AAMDC: variants seen among roughly 807,000 people sequenced by gnomAD.
AAMDC encodes adipogenesis associated Mth938 domain containing, also known as mth938 domain-containing protein.
AAMDC carries 16 observed loss-of-function variants against 15.5 expected under a neutral mutation model. The ratio of observed to expected loss-of-function variants is 1.03; its 90% confidence interval spans 0.70 to 1.57. The LOEUF (loss-of-function observed/expected upper bound fraction) is 1.57. Among genes scored for constraint, AAMDC ranks in the 40% most tolerant of loss-of-function variants. The pLI is 0.00. For missense variants in AAMDC, 141 were observed against 144.9 expected (o/e 0.97, Z 0.14); for synonymous variants, 51 against 51.6 (o/e 0.99, Z 0.05).
At chr11:77,887,717 A>C (rs187348452) in intron 5 of AAMDC, among the ~76,000 whole-genome samples, 21,387 of 152,148 alleles carry the variant, frequency 0.14, 1,675 homozygotes, top group Admixed American at 0.2. Flanking sequence ...AAGCAACTTC[A>C]GCAAAGTCTC....
chr11:77,837,339 G>A (rs921946895), intron 1 of AAMDC, among the ~76,000 whole-genome samples: 1 of 152,114 alleles, frequency 6.6e-6, no homozygotes, highest in Non-Finnish European at 1.5e-5. Flanking sequence ...GTTTCACCAC[G>A]TTGGCCAGGC....
intron 5 of AAMDC, among the ~76,000 whole-genome samples, chr11:77,888,969 T>C (rs368521530): frequency 3.9e-5 from 6 of 152,224 alleles, no homozygotes; most frequent in East Asian, 1.9e-4. Flanking sequence ...ACTTTTACAC[T>C]GTTGGTGGGA....
intron 2 of AAMDC, chr11:77,866,732 AAAAAAAAATATT>A (rs1374072831): frequency 6.6e-6 from 1 of 151,868 alleles, no homozygotes; most frequent in Non-Finnish European, 1.5e-5. Flanking sequence ...TCCATCTCGA[AAAAAAAAATATT>A]AAAAAAAATA....
intron 3 of AAMDC, among the ~76,000 whole-genome samples, chr11:77,871,685 T>C (rs1024905495): frequency 6.6e-6 from 1 of 152,232 alleles, no homozygotes; most frequent in Admixed American, 6.5e-5. Context: ...TAGCCTAACA[T>C]TTCTTAGCTA....
At chr11:77,831,753 TG>T (rs1183092681) in intron 1 of AAMDC, 3 of 150,380 alleles carry the variant, frequency 2.0e-5, no homozygotes, top group African/African-American at 7.4e-5. Context: ...TGGAGTGCAG[TG>T]GTACGATCTT....
rs185774935 is a variant in AAMDC, at chr11:77,858,913, G to A, written c.133-10809G>A. 1.8e-3 allele frequency among the ~76,000 whole-genome samples: 281 copies of A among 152,336 alleles called. 4 individuals carry two copies. Among genetic ancestry groups the A allele is most frequent in the Admixed American group, 0.013 (204 of 15,298 alleles). On this transcript the variant is annotated intron_variant, in intron 2 of 3. Coordinates refer to ENST00000393427, the MANE Select transcript of AAMDC (RefSeq NM_024684.4). ...ACTTAACAAGGAGGTTAGAGATACA[G>A]GGATTGAAATGCATGGCCTGCAGTG...
intron 3 of AAMDC, among the ~76,000 whole-genome samples, chr11:77,870,578 C>A (rs1384651618): frequency 6.6e-6 from 1 of 151,974 alleles, no homozygotes; most frequent in East Asian, 1.9e-4. Flanking sequence ...ACCTCGTGAT[C>A]CACCTGCCTC....
chr11:77,865,797 G>A (rs1951083418), intron 2 of AAMDC, among the ~76,000 whole-genome samples: 7 of 152,178 alleles, frequency 4.6e-5, no homozygotes, highest in Admixed American at 3.3e-4. Flanking sequence ...CCACTTGTAT[G>A]AAATGTTTCC....
intron 2 of AAMDC, among the ~76,000 whole-genome samples, chr11:77,846,523 G>A (rs768236591): frequency 2.0e-5 from 3 of 152,082 alleles, no homozygotes; most frequent in South Asian, 2.1e-4. Flanking sequence ...CCTGACCAAC[G>A]TGGAGAAACC....
intron 5 of AAMDC, among the ~76,000 whole-genome samples, chr11:77,892,056 G>A (rs1357059334): frequency 1.3e-5 from 2 of 152,118 alleles, no homozygotes; most frequent in African/African-American, 2.4e-5. Flanking sequence ...TATGTGCCAG[G>A]CATACTCTTA....
At chr11:77,846,050 G>A (rs1415530933) in intron 2 of AAMDC, among the ~76,000 whole-genome samples, 1 of 151,620 alleles carries the variant, frequency 6.6e-6, no homozygotes, top group African/African-American at 2.4e-5. Context: ...ATATAATGTG[G>A]CAACACCGGA....
chr11:77,878,517 A>AT (rs1393816270), intron 5 of AAMDC, among the ~76,000 whole-genome samples: 1 of 152,168 alleles, frequency 6.6e-6, no homozygotes, highest in Non-Finnish European at 1.5e-5. Flanking sequence ...AAAAAAAAAA[A>AT]GTACAGCTGT....
intron 1 of AAMDC, among the ~76,000 whole-genome samples, chr11:77,830,579 G>A (rs1395117473): frequency 6.7e-6 from 1 of 149,332 alleles, no homozygotes; most frequent in Non-Finnish European, 1.5e-5. Flanking sequence ...AGGTGCCCCC[G>A]ACCCCTTCTT....
chr11:77,887,661 A>G (rs1289474483), intron 5 of AAMDC, among the ~76,000 whole-genome samples: 1 of 152,186 alleles, frequency 6.6e-6, no homozygotes, highest in Non-Finnish European at 1.5e-5. Context: ...ATGATTGTAT[A>G]TCTAGAAAAC....
downstream of AAMDC, among the ~76,000 whole-genome samples, chr11:77,873,250 T>C (rs1951504855): frequency 6.6e-6 from 1 of 152,208 alleles, no homozygotes. Flanking sequence ...CAGATCAGGA[T>C]AACATTAGCA....
intron 1 of AAMDC, among the ~76,000 whole-genome samples, chr11:77,833,003 A>G (rs1376693484): frequency 3.0e-5 from 2 of 66,726 alleles, no homozygotes; most frequent in Non-Finnish European, 5.5e-5. Context: ...GTGTGTATAT[A>G]TATATATTTT....
chr11:77,836,603 A>G (rs901754151), intron 1 of AAMDC, among the ~76,000 whole-genome samples: 3 of 152,176 alleles, frequency 2.0e-5, no homozygotes, highest in Non-Finnish European at 2.9e-5. Context: ...TAATAAAGAA[A>G]TCCTCAAAAC....
chr11:77,864,362 C>T (rs1951016842), intron 2 of AAMDC, among the ~76,000 whole-genome samples: 1 of 151,492 alleles, frequency 6.6e-6, no homozygotes, highest in African/African-American at 2.4e-5. Context: ...ATCGCTTGAA[C>T]CCGGGAGTCG....
At chr11:77,822,885 T>C (rs1948982657) in intron 1 of AAMDC, among the ~76,000 whole-genome samples, 1 of 152,226 alleles carries the variant, frequency 6.6e-6, no homozygotes, top group South Asian at 2.1e-4. Context: ...GCATATTTTA[T>C]GTTACATGTA....
Sources: allele counts gnomAD v4.1 joint callset (sites outside exome capture counted in the v4.1 genomes callset), GRCh38; gene constraint gnomAD v4.1.1; transcripts MANE v1.5; gene names NCBI Gene and HGNC (gene_info 2026-07-23, HGNC 2026-07-21).